The following EIF2S3 variants were observed in gnomAD, a reference collection of about 807,000 sequenced individuals.
EIF2S3 encodes eukaryotic translation initiation factor 2 subunit gamma.
Under a neutral mutation model 31.7 loss-of-function variants are expected in EIF2S3, and 2 were observed. The observed-to-expected ratio is 0.06, with a 90% CI of 0.03 to 0.20. The LOEUF (loss-of-function observed/expected upper bound fraction) is 0.20. Ranked by LOEUF, EIF2S3 falls within the 10% of genes least tolerant of loss-of-function variation. The probability of loss-of-function intolerance (pLI) is 1.00; values close to 1 mark genes in which losing one functional copy is unlikely to be tolerated. For missense variants in EIF2S3, 96 were observed against 359.3 expected (o/e 0.27, Z 5.92); for synonymous variants, 120 against 126.7 (o/e 0.95, Z 0.36).
intron 9 of EIF2S3, among the ~76,000 whole-genome samples, chrX:24,070,791 G>A (rs1331208846): frequency 1.8e-5 from 2 of 111,820 alleles, no homozygotes; most frequent in Non-Finnish European, 3.8e-5. Flanking sequence ...GAAATGGCAT[G>A]CAGGTATTCT....
rs1207861797 is a variant in EIF2S3 at position 24,076,488 on chromosome X, C to T, written c.1356-234C>T. 6.3e-5 allele frequency among the ~76,000 whole-genome samples: 7 copies of T among 111,393 alleles called. No individual in the cohort carries two copies. The East Asian group carries it at 1.4e-3, about 22-fold the overall frequency. On this transcript the variant is annotated intron_variant, in intron 11 of 11. Transcript: ENST00000253039. ...GCCAGAGGTTGCAGTGAGCCGAGAT[C>T]GTACCACCGCACTCCAGACTGGGTG...
intron 6 of EIF2S3, among the ~76,000 whole-genome samples, chrX:24,063,775 CA>C (rs769921686): frequency 2.7e-4 from 27 of 100,722 alleles, no homozygotes; most frequent in Non-Finnish European, 2.4e-4. Context: ...ACCCTATCTC[CA>C]AAAAAAAAAA....
intron 1 of EIF2S3, among the ~76,000 whole-genome samples, chrX:24,055,368 T>C (rs753654906): frequency 4.5e-5 from 5 of 111,453 alleles, no homozygotes; most frequent in South Asian, 7.4e-4. Context: ...GTTCCCAAGA[T>C]TGGGGGGATC....
In EIF2S3 at chrX:24,078,457, T is replaced by C. The variant is rs1315871108; in HGVS notation, c.*1672T>C. Among the ~76,000 whole-genome samples the C allele has an allele frequency of 9.0e-6, 1 of 111,468 alleles. No homozygotes were observed. Among genetic ancestry groups the C allele is most frequent in the African/African-American group, 3.3e-5 (1 of 30,724 alleles). ...GAGATTCTGATTTTAATTGTTCTGA[T>C]TTAATTGGCTTGGAGTAGAATTCAG... On this transcript the variant is annotated 3_prime_UTR_variant, in exon 12 of 12. Transcript: ENST00000253039.
At position 24,064,328 on chromosome X, in the gene EIF2S3, G is replaced by T; in HGVS notation, c.765G>T (p.Arg255=). The T allele has an allele frequency of 3.4e-6, 4 of 1,178,484 alleles. No individual in the cohort carries two copies. Among genetic ancestry groups the T allele is most frequent in the Non-Finnish European group, 4.5e-6 (4 of 882,308 alleles). The part of the protein sequence containing the change: ...VPPRDFTSEP[R]LIVIRSFDVN... Reference sequence around the variant, plus strand: ...CAAGAGACTTTACTTCAGAGCCCCGGCTTATTGGTAAGTGATAGGATTTGC... The same window carrying T: ...CAAGAGACTTTACTTCAGAGCCCCGTCTTATTGGTAAGTGATAGGATTTGC... The change falls in exon 7 of 12, where the codon CGG becomes CGT. Residue 255 remains arginine (R), a synonymous_variant. Transcript: ENST00000253039.
chrX:24,072,119 TC>T (rs1449420234), intron 10 of EIF2S3, among the ~76,000 whole-genome samples: 2 of 110,520 alleles, frequency 1.8e-5, no homozygotes, highest in African/African-American at 3.3e-5. Context: ...CCTCAAGTGA[TC>T]CGCCCGCCTT....
At chrX:24,057,816 T>A in intron 4 of EIF2S3, 62 bp downstream of exon 4, 1 of 1,119,906 alleles carries the variant, frequency 8.9e-7, no homozygotes, top group East Asian at 3.0e-5. Flanking sequence ...TTTTGTGCTT[T>A]TTGAAATATC....
Position 24,054,965 on chromosome X carries a change from C to A in EIF2S3, c.-4C>A, listed in dbSNP as rs1004074111. 8.3e-7 allele frequency: 1 copy of A among 1,211,491 alleles called. No individual in the cohort carries two copies. On this transcript the variant is annotated 5_prime_UTR_variant, in exon 1 of 12. Coordinates refer to ENST00000253039, the MANE Select transcript of EIF2S3 (RefSeq NM_001415.4). The stretch of plus-strand genomic sequence containing the variant: ...CGGGGTGATTTCCTTCCTCTTTTGG[C>A]AACATGGCGGGCGGAGAAGCTGGAG...
intron 8 of EIF2S3, 109 bp from the exon 9 acceptor site, chrX:24,067,855 T>C (rs1403500197): frequency 1.1e-6 from 1 of 907,395 alleles, no homozygotes; most frequent in African/African-American, 2.0e-5. Flanking sequence ...CCCAAAATGC[T>C]AGGATTACAC....
At chrX:24,071,409 T>G (rs1930668668) in intron 9 of EIF2S3, 149 bp from the exon 10 acceptor site, 1 of 545,393 alleles carries the variant, frequency 1.8e-6, no homozygotes, top group Non-Finnish European at 2.9e-6. Flanking sequence ...CAGGCTGGTC[T>G]TTAACTCCTG....
intron 9 of EIF2S3, 30 bp from the exon 10 acceptor site, chrX:24,071,528 T>C (rs1483565131): frequency 8.5e-7 from 1 of 1,176,429 alleles, no homozygotes; most frequent in Non-Finnish European, 1.1e-6. Flanking sequence ...AAATAAAAAA[T>C]TGAGCTATAT....
chrX:24,062,789 G>C (rs1344524064), intron 6 of EIF2S3, among the ~76,000 whole-genome samples: 1 of 110,733 alleles, frequency 9.0e-6, no homozygotes, highest in South Asian at 3.8e-4. Flanking sequence ...ATTTTTGCTG[G>C]CAGCAAGTTA....
At chrX:24,063,761 C>G (rs748192226) in intron 6 of EIF2S3, among the ~76,000 whole-genome samples, 1 of 109,929 alleles carries the variant, frequency 9.1e-6, no homozygotes, top group South Asian at 3.8e-4. Flanking sequence ...GGTGACAAAG[C>G]GAGACCCTAT....
rs1018933805 is a variant in EIF2S3 at position 24,066,336 on chromosome X, C to T, written c.867+244C>T. On this transcript the variant is annotated intron_variant, in intron 8 of 11. Coordinates refer to ENST00000253039, the MANE Select transcript of EIF2S3 (RefSeq NM_001415.4). ...ATCCACAATCTACCTTCATGAGATC[C>T]ACCTTTTTAGCTTCCACATATACAG... Among the ~76,000 whole-genome samples the T allele has an allele frequency of 3.6e-5, 4 of 109,785 alleles. No individual in the cohort carries two copies. In the Admixed American group the frequency reaches 4.0e-4, roughly 11 times the overall value.
rs780836035 is a variant in EIF2S3 at position 24,069,888 on chromosome X, G to A, written c.1013-1670G>A. Among the ~76,000 whole-genome samples, 6 of 108,148 alleles carry A rather than the reference G, an allele frequency of 5.5e-5. No homozygotes were observed. In the East Asian group the frequency reaches 1.2e-3, roughly 21 times the overall value. 93.9% of individuals were successfully genotyped at this position (108,148 alleles called of 115,157 possible). A position where few individuals can be genotyped will look rare whatever the true frequency, so the allele number is the denominator to read the frequency against. The stretch of plus-strand genomic sequence containing the variant: ...GTATTTTTAGTAGAGATGGGGTTTC[G>A]CCATGTTGGCCAGGCTGGTCTCGAA... On this transcript the variant is annotated intron_variant, in intron 9 of 11. Transcript: ENST00000253039.
rs1012096463 is a variant in EIF2S3, at chrX:24,076,871, T to C, written c.*86T>C. On this transcript the variant is annotated 3_prime_UTR_variant, in exon 12 of 12. Coordinates refer to ENST00000253039, the MANE Select transcript of EIF2S3 (RefSeq NM_001415.4). ...CAAGGGGTTTATTTTCAAAGCAATA[T>C]TGGGGAATTGATTTCACAGTTCGTT... 2.5e-6 allele frequency: 2 copies of C among 815,298 alleles called. No individual in the cohort carries two copies. Among genetic ancestry groups the C allele is most frequent in the African/African-American group, 4.3e-5 (2 of 46,030 alleles). The allele number at this position is 815,298 out of a possible 1,213,427, so 67.2% of individuals were successfully genotyped here.
chrX:24,071,885 T>TA lies in EIF2S3; in HGVS notation c.1182+160dup, dbSNP rs758822882. 8.8e-3 allele frequency among the ~76,000 whole-genome samples: 962 copies of TA among 109,273 alleles called. 10 individuals are homozygous for TA. Among genetic ancestry groups the TA allele is most frequent in the African/African-American group, 0.03 (908 of 30,058 alleles). 94.9% of individuals were successfully genotyped at this position (109,273 alleles called of 115,157 possible). ...CCAAAATTGAGGGTTTTTTTTTTTT[T>TA]AATTTAGAGATGGAGTCTCTCGCTC... On this transcript the variant is annotated intron_variant, in intron 10 of 11. Coordinates refer to ENST00000253039, the MANE Select transcript of EIF2S3 (RefSeq NM_001415.4).
chrX:24,063,109 G>A (rs992355549), intron 6 of EIF2S3, among the ~76,000 whole-genome samples: 1 of 111,808 alleles, frequency 8.9e-6, no homozygotes, highest in African/African-American at 3.2e-5. Context: ...AGGGTGTGGT[G>A]GCACATGCCT....
At chrX:24,072,560 A>T (rs990753052) in intron 10 of EIF2S3, among the ~76,000 whole-genome samples, 5 of 111,938 alleles carry the variant, frequency 4.5e-5, no homozygotes, top group African/African-American at 1.6e-4. Flanking sequence ...TGGGATTAAC[A>T]GGTGTGATCC....
Sources: gnomAD v4.1 joint callset for allele counts (sites outside exome capture counted in the v4.1 genomes callset) on GRCh38, gnomAD v4.1.1 for gene constraint, MANE v1.5 for transcripts, NCBI Gene and HGNC (gene_info 2026-07-23, HGNC 2026-07-21) for gene names.